The following PHF20L1 variants were observed in gnomAD, a reference collection of about 807,000 sequenced individuals.
PHF20L1 encodes PHD finger protein 20 like 1.
In PHF20L1, 44 loss-of-function variants were observed where a neutral mutation model predicts 125.5. That is an observed-to-expected ratio of 0.35 (90% confidence interval 0.28 to 0.45). The LOEUF is 0.45. Among genes scored for constraint, PHF20L1 ranks in the 20% least tolerant of loss-of-function variants. PHF20L1 has a pLI of 1.00. For synonymous variants in PHF20L1, 380 were observed against 403.1 expected, an observed-to-expected ratio of 0.94 and a Z score of 0.69; for missense variants, 1,012 against 1,217.2, an observed-to-expected ratio of 0.83 and a Z score of 2.51.
chr8:132,808,109 T>G (rs1282467636), intron 8 of PHF20L1: 1 of 153,152 alleles, frequency 6.5e-6, no homozygotes, highest in African/African-American at 2.4e-5. Flanking sequence ...TTTTATTGTT[T>G]ATATTTAATA....
At chr8:132,799,939 A>AAAG (rs1832852115) in intron 6 of PHF20L1, 1 of 151,894 alleles carries the variant, frequency 6.6e-6, no homozygotes, top group African/African-American at 2.4e-5. Context: ...ATGTATAAAT[A>AAAG]AAGTGTTCTT....
At chr8:132,815,999 T>TA (rs1834935486) in intron 10 of PHF20L1, 1 of 151,898 alleles carries the variant, frequency 6.6e-6, no homozygotes. Context: ...ATTTTTAAGT[T>TA]ATCAGCATGT....
intron 14 of PHF20L1, among the ~76,000 whole-genome samples, chr8:132,829,233 T>C (rs1416435375): frequency 6.6e-6 from 1 of 152,070 alleles, no homozygotes; most frequent in Non-Finnish European, 1.5e-5. Flanking sequence ...TTACTTTTGC[T>C]GAAAGGACAA....
Position 132,842,593 on chromosome 8 carries a change from G to A in PHF20L1, c.2466G>A (p.Val822=). Residue 822 remains valine (V), a synonymous_variant, in exon 19 of 21, where the codon GTG becomes GTA. Coordinates refer to ENST00000395386, the MANE Select transcript of PHF20L1 (RefSeq NM_016018.5). ...RKDQDQIIAG[V]EKKIAQDTVN... ...ACCAAGATCAAATAATAGCTGGGGTGGAGAAAAAAATAGCTCAAGACACAG... is the reference window on the plus strand; with the variant it reads ...ACCAAGATCAAATAATAGCTGGGGTAGAGAAAAAAATAGCTCAAGACACAG... 1 of 1,612,550 alleles carries A rather than the reference G, an allele frequency of 6.2e-7. No individual in the cohort carries two copies. The highest frequency in any genetic ancestry group is 8.5e-7 in the Non-Finnish European group (1 of 1,179,376).
rs371027760 is a variant in PHF20L1, at chr8:132,837,707, T to C, written c.2092-5T>C. On this transcript the variant is annotated splice_region_variant and splice_polypyrimidine_tract_variant and intron_variant, in intron 16 of 20. Transcript: ENST00000395386. ...GTGACTGTAATACTCCTCTGTTTTC[T>C]GCAGTGTGAAGAGTGCTTGTGTTGG... is the stretch of plus-strand genomic sequence containing the variant. 9.3e-6 allele frequency: 15 copies of C among 1,608,764 alleles called. No individual in the cohort carries two copies. Among genetic ancestry groups the C allele is most frequent in the Non-Finnish European group, 1.3e-5 (15 of 1,175,804 alleles).
rs1829568305 is a variant in PHF20L1, at chr8:132,775,469, C to T, written c.-214C>T. The T allele has an allele frequency of 2.6e-6, 1 of 381,320 alleles. No individual in the cohort carries two copies. The highest frequency in any genetic ancestry group is 1.3e-4 in the South Asian group (1 of 7,796). 23.6% of individuals were successfully genotyped at this position (381,320 alleles called of 1,614,324 possible). Reference sequence around the variant, plus strand: ...CGAGCTTGAGGGCTCGGACCCAGCTCCCTCCCGCGAAACCTTGGGCGGATC... The same window carrying T: ...CGAGCTTGAGGGCTCGGACCCAGCTTCCTCCCGCGAAACCTTGGGCGGATC... On this transcript the variant is annotated 5_prime_UTR_variant, in exon 1 of 21. Coordinates refer to ENST00000395386, the MANE Select transcript of PHF20L1 (RefSeq NM_016018.5).
Position 132,817,323 on chromosome 8 carries a change from T to C in PHF20L1, c.1373-16T>C. On this transcript the variant is annotated splice_polypyrimidine_tract_variant and intron_variant, in intron 11 of 20. Coordinates refer to ENST00000395386, the MANE Select transcript of PHF20L1 (RefSeq NM_016018.5). ...TATCTGTGTTAATATTACATTACAC[T>C]CTTTATTTTGTGTAGTGCCTGATGT... 6.3e-7 allele frequency: 1 copy of C among 1,597,326 alleles called. No individual in the cohort carries two copies. The highest frequency in any genetic ancestry group is 8.6e-7 in the Non-Finnish European group (1 of 1,165,756).
At position 132,845,548 on chromosome 8, in the gene PHF20L1, A is replaced by G. The variant is rs564846153; in HGVS notation, c.2912-233A>G. 2.0e-5 allele frequency among the ~76,000 whole-genome samples: 3 copies of G among 152,166 alleles called. No individual in the cohort carries two copies. The East Asian group carries it at 5.8e-4, about 29-fold the overall frequency. On this transcript the variant is annotated intron_variant, in intron 20 of 20. Coordinates refer to ENST00000395386, the MANE Select transcript of PHF20L1 (RefSeq NM_016018.5). ...ATAAAAATACATAATTCCTATATAT[A>G]TAAAGGGGAAAATTATCTTAAATGA...
chr8:132,828,696 C>T (rs1363845842), intron 14 of PHF20L1, among the ~76,000 whole-genome samples: 3 of 151,994 alleles, frequency 2.0e-5, no homozygotes, highest in African/African-American at 7.2e-5. Flanking sequence ...TATGAGAAGT[C>T]ACCATGTTGG....
At chr8:132,790,792 G>T (rs1831599192) in intron 2 of PHF20L1, among the ~76,000 whole-genome samples, 1 of 152,042 alleles carries the variant, frequency 6.6e-6, no homozygotes, top group African/African-American at 2.4e-5. Flanking sequence ...TGCTGATTAG[G>T]TCTATATTCT....
At chr8:132,784,191 G>A (rs996681610) in intron 2 of PHF20L1, among the ~76,000 whole-genome samples, 1 of 152,058 alleles carries the variant, frequency 6.6e-6, no homozygotes, top group Non-Finnish European at 1.5e-5. Flanking sequence ...GTTTCGGGTT[G>A]TTCTTGCTCT....
chr8:132,836,556 C>G lies in PHF20L1; in HGVS notation c.1926C>G (p.Asp642Glu). 1 of 1,607,792 alleles carries G rather than the reference C, an allele frequency of 6.2e-7. No homozygotes were observed. The highest frequency in any genetic ancestry group is 8.5e-7 in the Non-Finnish European group (1 of 1,174,766). Reference sequence around the variant, plus strand: ...ATATTCTAGACTTATCAGATGTAGACTTCCTAGATGATTCTTCAACGGAGA... The same window carrying G: ...ATATTCTAGACTTATCAGATGTAGAGTTCCTAGATGATTCTTCAACGGAGA... ...DLSGENLSDV[D>E]FLDDSSTESL... The change falls in exon 16 of 21, where the codon GAC (aspartate) becomes GAG (glutamate). Residue 642 changes from aspartate to glutamate, a missense_variant. Physicochemically the swap from Asp to Glu is conservative, Grantham distance 45 (BLOSUM62 2). Transcript: ENST00000395386.
intron 6 of PHF20L1, chr8:132,799,386 A>G (rs1001217574): frequency 4.9e-6 from 2 of 409,262 alleles, no homozygotes; most frequent in Non-Finnish European, 4.4e-6. Context: ...TGATGGAAGC[A>G]GTGTATTGTA....
chr8:132,783,722 A>G (rs1830693395), intron 2 of PHF20L1, among the ~76,000 whole-genome samples: 1 of 152,184 alleles, frequency 6.6e-6, no homozygotes, highest in Non-Finnish European at 1.5e-5. Flanking sequence ...CATAGAAAGT[A>G]ATGATTATTA....
chr8:132,843,978 T>C, intron 19 of PHF20L1, 178 bp from the exon 20 acceptor site: 3 of 985,278 alleles, frequency 3.0e-6, no homozygotes, highest in Non-Finnish European at 3.6e-6. Context: ...GTGCATCAGC[T>C]CTTAAGAACC....
chr8:132,797,480 A>G (rs1287854624), intron 4 of PHF20L1, among the ~76,000 whole-genome samples: 1 of 151,984 alleles, frequency 6.6e-6, no homozygotes, highest in East Asian at 1.9e-4. Context: ...AGCATGAGCA[A>G]AGGCAGAGAG....
chr8:132,801,925 A>T (rs1833098515), intron 6 of PHF20L1, among the ~76,000 whole-genome samples: 1 of 151,550 alleles, frequency 6.6e-6, no homozygotes, highest in Non-Finnish European at 1.5e-5. Flanking sequence ...TCTTTATTGG[A>T]GGTAGAAAAC....
intron 12 of PHF20L1, 168 bp downstream of exon 12, chr8:132,817,713 T>C: frequency 1.7e-6 from 1 of 593,320 alleles, no homozygotes; most frequent in Non-Finnish European, 3.0e-6. Context: ...TTAAAGGTCT[T>C]TTGTGTGATC....
intron 9 of PHF20L1, 138 bp from the exon 10 acceptor site, chr8:132,814,499 T>G (rs1023782160): frequency 1.3e-5 from 7 of 535,936 alleles, no homozygotes; most frequent in Non-Finnish European, 2.1e-5. Context: ...TCTTTTTGGT[T>G]TTTCATTTGT....
Sources: gnomAD v4.1 joint callset for allele counts (sites outside exome capture counted in the v4.1 genomes callset) on GRCh38, gnomAD v4.1.1 for gene constraint, MANE v1.5 for transcripts, NCBI Gene and HGNC (gene_info 2026-07-23, HGNC 2026-07-21) for gene names.